Variants in ZBTB20 observed in about 807,000 individuals in gnomAD.
ZBTB20 encodes zinc finger and BTB domain containing 20, also known as zinc finger and BTB domain-containing protein 20.
In ZBTB20, 9 loss-of-function variants were observed where a neutral mutation model predicts 56.9. The observed-to-expected ratio is 0.16, with a 90% confidence interval of 0.10 to 0.28. The LOEUF is 0.28. Ranked by LOEUF, ZBTB20 falls within the 10% of genes least tolerant of loss-of-function variation. The pLI, the probability that ZBTB20 is intolerant of heterozygous loss-of-function variation, is 1.00. For synonymous variants in ZBTB20, 417 were observed against 420.7 expected (o/e 0.99, Z 0.11); for missense variants, 655 against 1,003.0 (o/e 0.65, Z 4.69).
chr3:114,377,059 G>A (rs2108500824), intron 10 of ZBTB20, among the ~76,000 whole-genome samples: 1 of 152,292 alleles, frequency 6.6e-6, no homozygotes, highest in Non-Finnish European at 1.5e-5. Flanking sequence ...TTACTGACTT[G>A]GTTTAGTCCT....
chr3:114,631,074 C>A (rs1195201784), intron 6 of ZBTB20, among the ~76,000 whole-genome samples: 2 of 152,010 alleles, frequency 1.3e-5, no homozygotes, highest in Non-Finnish European at 2.9e-5. Flanking sequence ...TGTACATAAC[C>A]TTTTCCCCCA....
chr3:114,834,144 A>G (rs1880031), intron 4 of ZBTB20, among the ~76,000 whole-genome samples: 92,364 of 152,024 alleles, frequency 0.61, 31,269 homozygotes, highest in East Asian at 0.96. Context: ...CAGTTTGGTA[A>G]TACCTATTAA....
intron 4 of ZBTB20, among the ~76,000 whole-genome samples, chr3:114,864,591 C>G (rs1357806634): frequency 6.6e-6 from 1 of 151,842 alleles, no homozygotes; most frequent in Non-Finnish European, 1.5e-5. Flanking sequence ...CTATGTTTAC[C>G]ATAAAAATTT....
chr3:115,077,816 T>C (rs780309266), intron 1 of ZBTB20, among the ~76,000 whole-genome samples: 5 of 152,166 alleles, frequency 3.3e-5, no homozygotes, highest in South Asian at 4.1e-4. Context: ...CTATGGAAGA[T>C]AGTCTGAAGT....
chr3:114,908,780 G>A (rs1397117798), intron 3 of ZBTB20, among the ~76,000 whole-genome samples: 1 of 151,818 alleles, frequency 6.6e-6, no homozygotes, highest in Non-Finnish European at 1.5e-5. Flanking sequence ...GAGATTTATA[G>A]AAATAAAATT....
At chr3:114,491,908 C>T (rs2042799050) in intron 7 of ZBTB20, among the ~76,000 whole-genome samples, 1 of 152,100 alleles carries the variant, frequency 6.6e-6, no homozygotes, top group African/African-American at 2.4e-5. Flanking sequence ...AACAAAACAG[C>T]TTTTGCTGAG....
intron 8 of ZBTB20, among the ~76,000 whole-genome samples, chr3:114,381,575 T>C (rs1415451774): frequency 2.0e-5 from 3 of 152,246 alleles, no homozygotes; most frequent in East Asian, 1.9e-4. Flanking sequence ...AGAAAAAGCA[T>C]TTATTTTATT....
intron 6 of ZBTB20, among the ~76,000 whole-genome samples, chr3:114,662,094 C>T (rs1231910612): frequency 2.8e-5 from 4 of 143,616 alleles, no homozygotes. Flanking sequence ...GTGGTATTCC[C>T]CTTCATGTGT....
intron 5 of ZBTB20, among the ~76,000 whole-genome samples, chr3:114,784,845 A>G (rs949865714): frequency 6.6e-6 from 1 of 152,224 alleles, no homozygotes; most frequent in Admixed American, 6.5e-5. Context: ...TAGCCTATGA[A>G]TTCAACACAT....
intron 6 of ZBTB20, among the ~76,000 whole-genome samples, chr3:114,664,963 G>A (rs1242236955): frequency 6.6e-6 from 1 of 151,964 alleles, no homozygotes; most frequent in Non-Finnish European, 1.5e-5. Context: ...CTGGAACAAG[G>A]AATGTAAAAT....
chr3:114,583,328 G>A (rs1242603981), intron 6 of ZBTB20, among the ~76,000 whole-genome samples: 2 of 152,124 alleles, frequency 1.3e-5, no homozygotes, highest in African/African-American at 4.8e-5. Context: ...TCGCATAAGT[G>A]AAAAATACAG....
intron 11 of ZBTB20, among the ~76,000 whole-genome samples, chr3:114,349,271 G>A (rs926688187): frequency 2.0e-5 from 3 of 151,508 alleles, no homozygotes; most frequent in Non-Finnish European, 2.9e-5. Flanking sequence ...AGGTCCAAGA[G>A]AATCTAGGTG....
chr3:114,748,477 G>A (rs2702175), intron 5 of ZBTB20, among the ~76,000 whole-genome samples: 2,171 of 149,698 alleles, frequency 0.015, 61 homozygotes, highest in African/African-American at 0.049. Flanking sequence ...AAATTTTCAC[G>A]AGATCCTTTT....
intron 4 of ZBTB20, chr3:114,876,337 A>G (rs937169696): frequency 2.0e-5 from 3 of 151,952 alleles, no homozygotes; most frequent in Non-Finnish European, 4.4e-5. Flanking sequence ...TTGCATCCTC[A>G]TACTCAGCAG....
intron 5 of ZBTB20, among the ~76,000 whole-genome samples, chr3:114,701,074 A>G (rs907034780): frequency 3.3e-5 from 5 of 152,226 alleles, no homozygotes; most frequent in African/African-American, 1.2e-4. Flanking sequence ...GGTGAGCAAC[A>G]TCCACTGTGG....
intron 8 of ZBTB20, among the ~76,000 whole-genome samples, chr3:114,387,109 A>G (rs964152031): frequency 2.0e-5 from 3 of 152,034 alleles, no homozygotes; most frequent in African/African-American, 7.3e-5. Context: ...TATCACAATA[A>G]TCTGGTTAAG....
chr3:114,573,987 G>A lies in ZBTB20; in HGVS notation c.-294-73596C>T, dbSNP rs574658230. Among the ~76,000 whole-genome samples, 12 of 151,804 alleles carry A rather than the reference G, an allele frequency of 7.9e-5. No individual in the cohort carries two copies. The East Asian group carries it at 1.5e-3, about 20-fold the overall frequency. On this transcript the variant is annotated intron_variant, in intron 6 of 11. Transcript: ENST00000675478. ...GAATGTATTCTCTTACATCATTATC[G>A]AATACTTTCATTTTTATATTTGGGA...
rs573805286 is a variant in ZBTB20 at position 114,724,455 on chromosome 3, C to A, written c.-342-30880G>T. On this transcript the variant is annotated intron_variant, in intron 5 of 11. Coordinates refer to ENST00000675478, the MANE Select transcript of ZBTB20 (RefSeq NM_001348800.3). ...TCAGCTGCCTTTTTAGAAAGAGAGG[C>A]AGAATTTAGAAGACTTTATTTCAAA... is the stretch of plus-strand genomic sequence containing the variant. 7.9e-5 allele frequency among the ~76,000 whole-genome samples: 12 copies of A among 152,264 alleles called. No homozygotes were observed. In the South Asian group the frequency reaches 2.5e-3, roughly 32 times the overall value.
At chr3:115,095,634 G>T (rs137974096) in intron 1 of ZBTB20, among the ~76,000 whole-genome samples, 10 of 152,024 alleles carry the variant, frequency 6.6e-5, no homozygotes, top group Non-Finnish European at 1.2e-4. Context: ...TTCTAACACC[G>T]GCTGTAGTGG....
Sources: gnomAD v4.1 joint callset for allele counts (sites outside exome capture counted in the v4.1 genomes callset) on GRCh38, gnomAD v4.1.1 for gene constraint, MANE v1.5 for transcripts, NCBI Gene and HGNC (gene_info 2026-07-23, HGNC 2026-07-21) for gene names.